SLC24A1: variants seen among roughly 807,000 people sequenced by gnomAD.
SLC24A1 encodes the protein solute carrier family 24 member 1, also known as sodium/potassium/calcium exchanger 1.
SLC24A1 carries 52 observed loss-of-function variants against 88.1 expected under a neutral mutation model. That is an observed-to-expected ratio of 0.59 (90% CI 0.47 to 0.74). The LOEUF is 0.74. SLC24A1 is among the 30% of genes least tolerant of loss of function. The pLI is 0.00. For missense variants in SLC24A1, 1,173 were observed against 1,363.3 expected, an observed-to-expected ratio of 0.86 and a Z score of 2.20; for synonymous variants, 455 against 498.0, an observed-to-expected ratio of 0.91 and a Z score of 1.15.
intron 2 of SLC24A1, among the ~76,000 whole-genome samples, chr15:65,635,755 T>C (rs2074912744): frequency 6.6e-6 from 1 of 152,248 alleles, no homozygotes; most frequent in South Asian, 2.1e-4. Flanking sequence ...ATTCTACCTA[T>C]TTCAGAAAGC....
At position 65,644,529 on chromosome 15, in the gene SLC24A1, G is replaced by C. The variant is rs554964445; in HGVS notation, c.2140+16G>C. 6.1e-5 allele frequency: 95 copies of C among 1,550,904 alleles called. 2 individuals carry two copies. In the South Asian group the frequency reaches 1.1e-3, roughly 17 times the overall value. The stretch of plus-strand genomic sequence containing the variant: ...AAACCAGAAGGTGAGAGGATGGCCA[G>C]ACCAGTGGGTTTTCTCCTGCCCCCC... On this transcript the variant is annotated intron_variant, in intron 5 of 9. Coordinates refer to ENST00000261892, the MANE Select transcript of SLC24A1 (RefSeq NM_004727.3).
chr15:65,615,569 T>G (rs1416717107), intron 2 of SLC24A1, among the ~76,000 whole-genome samples: 1 of 151,978 alleles, frequency 6.6e-6, no homozygotes, highest in Non-Finnish European at 1.5e-5. Flanking sequence ...TGTAGTCAGC[T>G]GCTTGGAAGG....
In SLC24A1 at chr15:65,625,809, C is replaced by T; in HGVS notation, c.1729C>T (p.Leu577=). The T allele has an allele frequency of 6.2e-7, 1 of 1,614,074 alleles. No homozygotes were observed. Among genetic ancestry groups the T allele is most frequent in the Non-Finnish European group, 8.5e-7 (1 of 1,179,904 alleles). Residue 577 remains leucine (L), a synonymous_variant, in exon 2 of 10, where the codon CTG becomes TTG. Coordinates refer to ENST00000261892, the MANE Select transcript of SLC24A1 (RefSeq NM_004727.3). ...CCTGATAATGCTCATCCTCTTCTTCCTGGACAGCCTCATTGCCTGGTGGGA... is the reference window on the plus strand; with the variant it reads ...CCTGATAATGCTCATCCTCTTCTTCTTGGACAGCCTCATTGCCTGGTGGGA... ...LDLIMLILFF[L]DSLIAWWESL...
At chr15:65,613,480 T>TTGTGTGTG (rs35141100) in intron 2 of SLC24A1, among the ~76,000 whole-genome samples, 11 of 149,124 alleles carry the variant, frequency 7.4e-5, no homozygotes, top group Admixed American at 2.0e-4. Context: ...CAGGGTGATT[T>TTGTGTGTG]TGTGTGTGTG....
At chr15:65,648,648 C>A (rs2075391017) in intron 6 of SLC24A1, among the ~76,000 whole-genome samples, 1 of 152,040 alleles carries the variant, frequency 6.6e-6, no homozygotes, top group African/African-American at 2.4e-5. Flanking sequence ...TGCACCACCA[C>A]GCCTGGCTAA....
intron 6 of SLC24A1, among the ~76,000 whole-genome samples, chr15:65,648,651 C>G (rs1022203609): frequency 6.6e-6 from 1 of 151,926 alleles, no homozygotes; most frequent in Non-Finnish European, 1.5e-5. Flanking sequence ...ACCACCACGC[C>G]TGGCTAATTT....
At chr15:65,643,926 T>C (rs1358756767) in intron 4 of SLC24A1, 1 of 157,220 alleles carries the variant, frequency 6.4e-6, no homozygotes, top group Non-Finnish European at 1.4e-5. Context: ...AGTAGATTCA[T>C]AGAAAGTAAG....
chr15:65,619,416 C>T (rs2074249387), upstream of SLC24A1, among the ~76,000 whole-genome samples: 1 of 152,090 alleles, frequency 6.6e-6, no homozygotes, highest in African/African-American at 2.4e-5. Flanking sequence ...CATTTATTCT[C>T]TGTCCAGACA....
chr15:65,625,265 G>A lies in SLC24A1; in HGVS notation c.1185G>A (p.Val395=), dbSNP rs762852638. 1 of 1,613,938 alleles carries A rather than the reference G, an allele frequency of 6.2e-7. No homozygotes were observed. The highest frequency in any genetic ancestry group is 1.7e-5 in the Admixed American group (1 of 60,022). Residue 395 remains valine (V), a synonymous_variant, in exon 2 of 10, where the codon GTG becomes GTA. Transcript: ENST00000261892. ...TGACCATGCAGGTCCATCACTGTGTGGTTGTGAAGCCAACCCCAGCCATGC... is the reference window on the plus strand; with the variant it reads ...TGACCATGCAGGTCCATCACTGTGTAGTTGTGAAGCCAACCCCAGCCATGC... ...AKLTMQVHHC[V]VVKPTPAMLT...
At chr15:65,620,774 T>A (rs531754185), upstream of SLC24A1, among the ~76,000 whole-genome samples, 19 of 152,364 alleles carry the variant, frequency 1.2e-4, no homozygotes, top group African/African-American at 4.6e-4. Context: ...GAGGAGTTAT[T>A]TCAGAAAAAA....
At chr15:65,631,331 G>T (rs1001127895) in intron 2 of SLC24A1, among the ~76,000 whole-genome samples, 47 of 152,150 alleles carry the variant, frequency 3.1e-4, no homozygotes, top group African/African-American at 1.1e-3. Context: ...TTTTTAGTGT[G>T]GGGGAGTGGA....
intron 2 of SLC24A1, among the ~76,000 whole-genome samples, chr15:65,613,926 C>G (rs747612832): frequency 6.6e-6 from 1 of 152,112 alleles, no homozygotes; most frequent in Non-Finnish European, 1.5e-5. Flanking sequence ...ATGTCCTTTG[C>G]CCTGCATTTC....
At chr15:65,618,527 A>G (rs888943336), upstream of SLC24A1, among the ~76,000 whole-genome samples, 2 of 152,152 alleles carry the variant, frequency 1.3e-5, no homozygotes, top group African/African-American at 4.8e-5. Context: ...TTTTTCTCCA[A>G]TTGAGATGGG....
In SLC24A1 at chr15:65,636,814, T is replaced by G. The variant is rs540662616; in HGVS notation, c.1891-1314T>G. Among the ~76,000 whole-genome samples, 3 of 151,800 alleles carry G rather than the reference T, an allele frequency of 2.0e-5. No individual in the cohort carries two copies. The South Asian group carries it at 6.2e-4, about 32-fold the overall frequency. ...TCGCTTGAACCCAGGAGGGGGAGGTTGCAGTGAGGCGATATTGCACCACTG... is the reference window on the plus strand; with the variant it reads ...TCGCTTGAACCCAGGAGGGGGAGGTGGCAGTGAGGCGATATTGCACCACTG... On this transcript the variant is annotated intron_variant, in intron 2 of 9. Coordinates refer to ENST00000261892, the MANE Select transcript of SLC24A1 (RefSeq NM_004727.3).
intron 6 of SLC24A1, among the ~76,000 whole-genome samples, chr15:65,648,667 T>A (rs1428783736): frequency 2.0e-5 from 3 of 151,586 alleles, no homozygotes; most frequent in East Asian, 3.9e-4. Flanking sequence ...AATTTTTATT[T>A]ATTTATTTTT....
At position 65,650,974 on chromosome 15, in the gene SLC24A1, T is replaced by A; in HGVS notation, c.2793+32T>A. On this transcript the variant is annotated intron_variant, in intron 7 of 9. Coordinates refer to ENST00000261892, the MANE Select transcript of SLC24A1 (RefSeq NM_004727.3). This position sits in a 1 kb window ranked among gnomAD's most constrained non-coding sequence, Gnocchi z 4.1. ...GTGCCCATCTGTATCTCAGACTCTT[T>A]ATCCCCAGCAGGGCTGTGGGGTCTC... is the stretch of plus-strand genomic sequence containing the variant. The A allele has an allele frequency of 6.3e-7, 1 of 1,591,970 alleles. No homozygotes were observed. Among genetic ancestry groups the A allele is most frequent in the Non-Finnish European group, 8.6e-7 (1 of 1,159,974 alleles).
chr15:65,637,826 G>T (rs2074991621), intron 2 of SLC24A1, among the ~76,000 whole-genome samples: 1 of 152,174 alleles, frequency 6.6e-6, no homozygotes, highest in Non-Finnish European at 1.5e-5. Context: ...GGGGCGAGGG[G>T]CCCTGTGATG....
chr15:65,626,206 C>T (rs1203332936), intron 2 of SLC24A1, among the ~76,000 whole-genome samples: 5 of 152,156 alleles, frequency 3.3e-5, no homozygotes, highest in African/African-American at 1.2e-4. Flanking sequence ...ATATTATGAT[C>T]CCCATTTGCA....
chr15:65,630,739 G>A (rs948325245), intron 2 of SLC24A1, among the ~76,000 whole-genome samples: 2 of 152,222 alleles, frequency 1.3e-5, no homozygotes, highest in Non-Finnish European at 1.5e-5. Context: ...GGGAGGCCGA[G>A]GTGGGTGGAT....
Sources: gnomAD v4.1 joint callset for allele counts (sites outside exome capture counted in the v4.1 genomes callset) on GRCh38, gnomAD v4.1.1 for gene constraint, Gnocchi (gnomAD v3.1) non-coding constraint, MANE v1.5 for transcripts, NCBI Gene and HGNC (gene_info 2026-07-23, HGNC 2026-07-21) for gene names.